The following FAAH2 variants were observed in gnomAD, a reference collection of about 807,000 sequenced individuals.
FAAH2 encodes the protein fatty acid amide hydrolase 2.
A neutral mutation model predicts 36.9 loss-of-function variants in FAAH2; 60 were observed. That is an observed-to-expected ratio of 1.63 (90% confidence interval 1.32 to 2.02). The LOEUF (loss-of-function observed/expected upper bound fraction) is 2.02. FAAH2 is among the 30% of genes most tolerant of loss of function. The pLI, the probability that FAAH2 is intolerant of heterozygous loss-of-function variation, is 0.00. For missense variants in FAAH2, 689 were observed against 397.5 expected (o/e 1.73, Z -6.23); for synonymous variants, 214 against 143.8 (o/e 1.49, Z -3.49).
intron 5 of FAAH2, among the ~76,000 whole-genome samples, chrX:57,362,183 T>G (rs761803982): frequency 7.3e-4 from 81 of 111,229 alleles, no homozygotes; most frequent in Admixed American, 2.7e-3. Flanking sequence ...CAAAAAAAGA[T>G]GAGTTCATGT....
chrX:57,471,621 T>C (rs1284824909), intron 10 of FAAH2, among the ~76,000 whole-genome samples: 2 of 111,985 alleles, frequency 1.8e-5, no homozygotes, highest in Non-Finnish European at 3.8e-5. Context: ...GAACATTCCA[T>C]GCTTATGGAT....
At chrX:57,369,124 G>A (rs1216134433) in intron 5 of FAAH2, among the ~76,000 whole-genome samples, 1 of 106,948 alleles carries the variant, frequency 9.4e-6, no homozygotes. Flanking sequence ...TCCAGCAGAA[G>A]AAAGAATTTT....
upstream of FAAH2, among the ~76,000 whole-genome samples, chrX:57,284,548 G>A (rs1047776531): frequency 2.7e-5 from 3 of 111,810 alleles, no homozygotes; most frequent in East Asian, 2.8e-4. Context: ...CCACTTATAC[G>A]AGTTAGCTAA....
intron 10 of FAAH2, among the ~76,000 whole-genome samples, chrX:57,480,337 G>A (rs192641626): frequency 2.7e-5 from 3 of 111,801 alleles, no homozygotes; most frequent in Non-Finnish European, 3.8e-5. Context: ...CAATATCCTC[G>A]ATGAACATTG....
the FAAH2 span, among the ~76,000 whole-genome samples, chrX:57,188,245 T>C: frequency 9.0e-6 from 1 of 111,571 alleles, no homozygotes; most frequent in Admixed American, 9.5e-5. Flanking sequence ...CAGAACTTGT[T>C]ATTGGTCTAT....
chrX:57,452,611 G>T (rs1366807308), intron 10 of FAAH2, among the ~76,000 whole-genome samples: 1 of 112,303 alleles, frequency 8.9e-6, no homozygotes, highest in African/African-American at 3.2e-5. Flanking sequence ...ACATTGCATT[G>T]TTGCACAAAA....
At chrX:57,157,735 T>A in the FAAH2 span, among the ~76,000 whole-genome samples, 1 of 112,102 alleles carries the variant, frequency 8.9e-6, no homozygotes, top group Admixed American at 9.5e-5. Flanking sequence ...GAATACTTGT[T>A]TATTTTGGTG....
At chrX:57,271,017 G>A in the FAAH2 span, among the ~76,000 whole-genome samples, 1 of 112,184 alleles carries the variant, frequency 8.9e-6, no homozygotes, top group Admixed American at 9.4e-5. Context: ...TGAAGCCAGG[G>A]AGCAAAGTGG....
the FAAH2 span, among the ~76,000 whole-genome samples, chrX:57,164,598 C>A: frequency 6.3e-5 from 7 of 111,183 alleles, no homozygotes; most frequent in Non-Finnish European, 1.3e-4. Flanking sequence ...ATAAATGGAC[C>A]CCAAACAGAA....
intron 3 of FAAH2, among the ~76,000 whole-genome samples, chrX:57,314,801 G>C (rs1018522910): frequency 9.0e-6 from 1 of 111,405 alleles, no homozygotes; most frequent in Non-Finnish European, 1.9e-5. Context: ...TACCAGGAAA[G>C]TTTATAGAAC....
At chrX:57,237,191 C>T in the FAAH2 span, among the ~76,000 whole-genome samples, 1 of 111,224 alleles carries the variant, frequency 9.0e-6, no homozygotes, top group South Asian at 3.7e-4. Flanking sequence ...ATTTTGGGTT[C>T]TCAATTTTGT....
intron 2 of FAAH2, among the ~76,000 whole-genome samples, chrX:57,308,036 A>G (rs757408232): frequency 1.2e-4 from 13 of 111,746 alleles, no homozygotes; most frequent in Non-Finnish European, 2.3e-4. Flanking sequence ...TCTTTATCCA[A>G]TCCACCATTG....
At chrX:57,438,000 C>T (rs775059644) in intron 8 of FAAH2, among the ~76,000 whole-genome samples, 11 of 101,138 alleles carry the variant, frequency 1.1e-4, no homozygotes, top group Admixed American at 3.4e-4. Flanking sequence ...TATATACATA[C>T]GTATATGTAT....
At chrX:57,129,434 A>G in the FAAH2 span, among the ~76,000 whole-genome samples, 1 of 112,059 alleles carries the variant, frequency 8.9e-6, no homozygotes, top group Non-Finnish European at 1.9e-5. Flanking sequence ...GTATTTGCTA[A>G]GTGACTTTTA....
intron 7 of FAAH2, 62 bp from the exon 8 acceptor site, chrX:57,431,856 C>T (rs1291964885): frequency 3.2e-6 from 3 of 923,279 alleles, no homozygotes; most frequent in Middle Eastern, 3.2e-4. Context: ...GCTGATGTCA[C>T]TCTTCAGTAG....
At chrX:57,209,612 CT>C in the FAAH2 span, among the ~76,000 whole-genome samples, 2 of 111,453 alleles carry the variant, frequency 1.8e-5, no homozygotes, top group South Asian at 7.6e-4. Flanking sequence ...GAATGAGTCT[CT>C]TTCAGAGCCA....
intron 7 of FAAH2, among the ~76,000 whole-genome samples, chrX:57,417,561 T>A (rs1360460119): frequency 8.9e-6 from 1 of 112,414 alleles, no homozygotes; most frequent in Non-Finnish European, 1.9e-5. Context: ...CAGTGGAGGC[T>A]GCAGAATAGC....
chrX:57,151,995 G>T, the FAAH2 span, among the ~76,000 whole-genome samples: 2 of 111,995 alleles, frequency 1.8e-5, no homozygotes, highest in Non-Finnish European at 3.8e-5. Context: ...CCTGAGGCCT[G>T]TTGGAGTTTG....
the FAAH2 span, among the ~76,000 whole-genome samples, chrX:57,234,968 G>A: frequency 8.1e-5 from 9 of 111,331 alleles, no homozygotes; most frequent in Admixed American, 6.7e-4. Context: ...AACTTTAAAG[G>A]CGGAGGTTGC....
Sources: gnomAD v4.1 joint callset for allele counts (sites outside exome capture counted in the v4.1 genomes callset) on GRCh38, gnomAD v4.1.1 for gene constraint, MANE v1.5 for transcripts, NCBI Gene and HGNC (gene_info 2026-07-23, HGNC 2026-07-21) for gene names.